The following DOCK2 variants were observed in gnomAD, a reference collection of about 807,000 sequenced individuals.
DOCK2 encodes dedicator of cytokinesis 2.
Under a neutral mutation model 248.9 loss-of-function variants are expected in DOCK2, and 87 were observed. That is an observed-to-expected ratio of 0.35 (90% CI 0.29 to 0.42). The LOEUF is 0.42. Among genes scored for constraint, DOCK2 ranks in the 10% least tolerant of loss-of-function variants. The probability of loss-of-function intolerance (pLI) is 1.00; values close to 1 mark genes in which losing one functional copy is unlikely to be tolerated. For missense variants in DOCK2, 1,747 were observed against 2,300.2 expected, an observed-to-expected ratio of 0.76 and a Z score of 4.92; for synonymous variants, 805 against 821.6, an observed-to-expected ratio of 0.98 and a Z score of 0.35.
At chr5:169,948,863 C>A (rs1776549110) in intron 27 of DOCK2, among the ~76,000 whole-genome samples, 1 of 152,034 alleles carries the variant, frequency 6.6e-6, no homozygotes, top group Non-Finnish European at 1.5e-5. Flanking sequence ...CAGTGACTGG[C>A]ACCTGGTCAT....
At chr5:170,046,015 A>G (rs1756695542) in intron 39 of DOCK2, 110 bp downstream of exon 39, 1 of 991,636 alleles carries the variant, frequency 1.0e-6, no homozygotes, top group Non-Finnish European at 1.6e-6. Context: ...GGTTAGGGAA[A>G]TAGAAAATGA....
chr5:169,673,294 G>T (rs1018561300), intron 5 of DOCK2, among the ~76,000 whole-genome samples: 6 of 152,046 alleles, frequency 3.9e-5, no homozygotes, highest in Non-Finnish European at 7.4e-5. Flanking sequence ...AAAGGGGATT[G>T]TTAGGAATAA....
intron 23 of DOCK2, among the ~76,000 whole-genome samples, chr5:169,757,853 A>G (rs181247053): frequency 6.6e-6 from 1 of 152,348 alleles, no homozygotes; most frequent in African/African-American, 2.4e-5. Flanking sequence ...AAAAGTTGCA[A>G]ATTACACATC....
At chr5:169,646,038 C>G (rs917157288) in intron 1 of DOCK2, among the ~76,000 whole-genome samples, 1 of 152,168 alleles carries the variant, frequency 6.6e-6, no homozygotes, top group Admixed American at 6.5e-5. Flanking sequence ...CATGAGCCAC[C>G]ACGCCCAGCC....
intron 6 of DOCK2, 159 bp from the exon 7 acceptor site, chr5:169,681,585 A>G (rs749119095): frequency 1.0e-4 from 83 of 819,412 alleles, no homozygotes; most frequent in Non-Finnish European, 1.5e-4. Context: ...TACTATACCA[A>G]TATGTGCTCA....
intron 25 of DOCK2, among the ~76,000 whole-genome samples, chr5:169,777,410 G>A (rs1765447496): frequency 6.6e-6 from 1 of 152,204 alleles, no homozygotes; most frequent in South Asian, 2.1e-4. Flanking sequence ...GGCAGCCAAA[G>A]TAGATTTGCT....
intron 27 of DOCK2, among the ~76,000 whole-genome samples, chr5:169,847,192 T>G (rs1175325287): frequency 6.6e-6 from 1 of 152,210 alleles, no homozygotes; most frequent in Non-Finnish European, 1.5e-5. Context: ...ATGACTTCTT[T>G]CCCTTTGGGT....
rs1368718766 is a variant in DOCK2, at chr5:170,079,034, C to T, written c.5054C>T (p.Ser1685Phe). The T allele has an allele frequency of 1.9e-6, 3 of 1,614,140 alleles. No homozygotes were observed. In the East Asian group the frequency reaches 6.7e-5, roughly 36 times the overall value. The change falls in exon 49 of 52, where the codon TCC becomes TTC. Residue 1685 changes from serine (S) to phenylalanine (F), a missense_variant. Physicochemically the swap from Ser to Phe is radical, Grantham distance 155. Around this residue, in one of 4 missense-constraint regions of DOCK2, gnomAD observed 513 missense variants for 586.1 expected, o/e 0.88. Coordinates refer to ENST00000520908, the MANE Select transcript of DOCK2 (RefSeq NM_004946.3). ...AGAGTGGAGCAGGAGGAACCGATCT[C>T]CCCGGGGAGCACCCTGCCTGAGGTC... ...TPRVEQEEPI[S>F]PGSTLPEVKL...
chr5:169,689,854 A>C (rs9313469), intron 9 of DOCK2, among the ~76,000 whole-genome samples: 8,504 of 152,298 alleles, frequency 0.056, 361 homozygotes, highest in African/African-American at 0.13. Context: ...ATCCTTCTAA[A>C]TACCAATACT....
intron 27 of DOCK2, among the ~76,000 whole-genome samples, chr5:169,863,777 T>C (rs1237333653): frequency 6.6e-6 from 1 of 152,240 alleles, no homozygotes; most frequent in Admixed American, 6.5e-5. Context: ...CTTGTGCTTA[T>C]TATGTATGCT....
At chr5:169,745,617 G>GT (rs1292432401) in intron 22 of DOCK2, among the ~76,000 whole-genome samples, 5 of 152,166 alleles carry the variant, frequency 3.3e-5, no homozygotes, top group African/African-American at 1.2e-4. Flanking sequence ...CTGGCCTGGT[G>GT]TTTTCTGGCA....
chr5:170,002,236 G>GAA (rs11313241), intron 30 of DOCK2, among the ~76,000 whole-genome samples: 2 of 140,994 alleles, frequency 1.4e-5, no homozygotes, highest in Non-Finnish European at 1.5e-5. Flanking sequence ...TGTTGCTAGC[G>GAA]AAAAAAAAAA....
chr5:169,654,291 C>G (rs1757969657), intron 1 of DOCK2, 112 bp from the exon 2 acceptor site: 1 of 1,189,954 alleles, frequency 8.4e-7, no homozygotes, highest in African/African-American at 1.5e-5. Flanking sequence ...TTTTGTTTAG[C>G]CCAGGTGGGC....
intron 1 of DOCK2, among the ~76,000 whole-genome samples, chr5:169,648,193 A>T (rs1443434403): frequency 6.6e-6 from 1 of 152,026 alleles, no homozygotes; most frequent in African/African-American, 2.4e-5. Context: ...GGGCCAGGAA[A>T]ATCTTTGTTA....
chr5:169,637,928 G>A (rs1391654611), intron 1 of DOCK2, among the ~76,000 whole-genome samples: 2 of 152,070 alleles, frequency 1.3e-5, no homozygotes, highest in Non-Finnish European at 2.9e-5. Flanking sequence ...CAGAGCCTCT[G>A]GGGAAAAAGG....
intron 27 of DOCK2, among the ~76,000 whole-genome samples, chr5:169,859,974 T>TC (rs1188765162): frequency 2.9e-5 from 4 of 138,450 alleles, no homozygotes; most frequent in African/African-American, 1.1e-4. Context: ...TTTTTTTTTT[T>TC]TCTTTTTTTT....
At chr5:169,833,703 C>G (rs538405433) in intron 26 of DOCK2, among the ~76,000 whole-genome samples, 1 of 152,290 alleles carries the variant, frequency 6.6e-6, no homozygotes, top group South Asian at 2.1e-4. Context: ...ATACCTTACT[C>G]AAAAGCAGGT....
chr5:170,024,747 A>G (rs1368674847), intron 33 of DOCK2, among the ~76,000 whole-genome samples: 2 of 152,176 alleles, frequency 1.3e-5, no homozygotes, highest in East Asian at 3.9e-4. Context: ...AGTCTATTCA[A>G]TGCCACAGAC....
At position 169,764,710 on chromosome 5, in the gene DOCK2, A is replaced by G. The variant is rs17737100; in HGVS notation, c.2554+3085A>G. ...GCTGACCTTTAAATTCCTTGCAATA[A>G]GGGCATCCCTTAACGTTTGATAGTT... On this transcript the variant is annotated intron_variant, in intron 25 of 51. Coordinates refer to ENST00000520908, the MANE Select transcript of DOCK2 (RefSeq NM_004946.3). The surrounding 1 kb of genome is among the most constrained non-coding windows in gnomAD (Gnocchi z 4.3). Among the ~76,000 whole-genome samples the G allele has an allele frequency of 0.092, 13,928 of 152,218 alleles. 1,130 individuals are homozygous for G. The highest frequency in any genetic ancestry group is 0.28 in the Admixed American group (4,228 of 15,272).
Sources: allele counts gnomAD v4.1 joint callset (sites outside exome capture counted in the v4.1 genomes callset), GRCh38; gene constraint gnomAD v4.1.1; regional missense constraint gnomAD v4.1.1; non-coding constraint Gnocchi (gnomAD v3.1); transcripts MANE v1.5; gene names NCBI Gene and HGNC (gene_info 2026-07-23, HGNC 2026-07-21).